The following CD160 variants were observed in gnomAD, a reference collection of about 807,000 sequenced individuals.
The protein encoded by CD160 is CD160 molecule, also known as CD160 antigen.
CD160 carries 11 observed loss-of-function variants against 19.2 expected under a neutral mutation model. That is an observed-to-expected ratio of 0.57 (90% confidence interval 0.36 to 0.95). The LOEUF is 0.95. CD160 is among the 40% of genes least tolerant of loss of function. CD160 has a pLI of 0.01. For synonymous variants in CD160, 75 were observed against 81.1 expected (o/e 0.93, Z 0.40); for missense variants, 182 against 213.2 (o/e 0.85, Z 0.91).
At chr1:145,721,247 G>C (rs1321454372) in intron 1 of CD160, among the ~76,000 whole-genome samples, 1 of 152,166 alleles carries the variant, frequency 6.6e-6, no homozygotes, top group Non-Finnish European at 1.5e-5. Context: ...CCCCATGCTC[G>C]CTGGATGGCC....
At chr1:145,732,826 G>C (rs1249272395) in intron 4 of CD160, among the ~76,000 whole-genome samples, 2 of 152,192 alleles carry the variant, frequency 1.3e-5, no homozygotes, top group East Asian at 3.8e-4. Flanking sequence ...AATAAAATTT[G>C]TGGTACAATT....
At chr1:145,724,587 G>A (rs1444610000) in intron 1 of CD160, among the ~76,000 whole-genome samples, 1 of 151,926 alleles carries the variant, frequency 6.6e-6, no homozygotes, top group Non-Finnish European at 1.5e-5. Context: ...GATTTTAGTG[G>A]GAATTAATGT....
chr1:145,735,102 G>A (rs886331589), intron 4 of CD160, among the ~76,000 whole-genome samples: 14 of 152,034 alleles, frequency 9.2e-5, no homozygotes, highest in African/African-American at 3.4e-4. Context: ...GCCAGACTCT[G>A]TCTCAAAAAA....
chr1:145,724,050 G>GTA (rs1656960194), intron 1 of CD160, among the ~76,000 whole-genome samples: 1 of 152,112 alleles, frequency 6.6e-6, no homozygotes. Flanking sequence ...CCGTAACAAT[G>GTA]TATAGTTCTA....
At chr1:145,738,226 T>C in intron 5 of CD160, 1 of 302,198 alleles carries the variant, frequency 3.3e-6, no homozygotes. Context: ...TATTGCTTCT[T>C]TGATTGTTCC....
At chr1:145,729,855 CA>C (rs1457595321) in intron 3 of CD160, among the ~76,000 whole-genome samples, 1 of 152,190 alleles carries the variant, frequency 6.6e-6, no homozygotes, top group Non-Finnish European at 1.5e-5. Flanking sequence ...TGGTCTCTCT[CA>C]TCCTATATTT....
chr1:145,731,025 T>C lies in CD160; in HGVS notation c.355T>C (p.Ser119Pro). The change falls in exon 4 of 6, where the codon TCA becomes CCA. Residue 119 changes from serine to proline, a missense_variant. Coordinates refer to ENST00000369288, the MANE Select transcript of CD160 (RefSeq NM_007053.4). Reference sequence around the variant, plus strand: ...CCAGTGTTGTGCCAGAAGCCAGAAGTCAGGTATCCGCCTTCAGGGCCATTT... The same window carrying C: ...CCAGTGTTGTGCCAGAAGCCAGAAGCCAGGTATCCGCCTTCAGGGCCATTT... ...TYQCCARSQK[S>P]GIRLQGHFFS... The C allele has an allele frequency of 6.2e-7, 1 of 1,614,140 alleles. No individual in the cohort carries two copies. Among genetic ancestry groups the C allele is most frequent in the Middle Eastern group, 1.7e-4 (1 of 6,060 alleles).
chr1:145,738,197 C>T, intron 5 of CD160: 1 of 249,924 alleles, frequency 4.0e-6, no homozygotes, highest in East Asian at 6.9e-5. Flanking sequence ...AACCTACCTT[C>T]AACTTTTTGA....
rs1657136913 is a variant in CD160 at position 145,728,351 on chromosome 1, C to T, written c.24C>T (p.Gly8=). 7 of 1,613,218 alleles carry T rather than the reference C, an allele frequency of 4.3e-6. No individual in the cohort carries two copies. In the East Asian group the frequency reaches 1.6e-4, roughly 36 times the overall value. ...GGATGCTGTTGGAACCCGGCAGAGG[C>T]TGCTGTGCCCTGGCCATCCTGCTGG... is the stretch of plus-strand genomic sequence containing the variant. MLLEPGR[G]CCALAILLAI... Residue 8 remains glycine (G), a synonymous_variant, in exon 3 of 6, where the codon GGC becomes GGT. Coordinates refer to ENST00000369288, the MANE Select transcript of CD160 (RefSeq NM_007053.4).
intron 4 of CD160, among the ~76,000 whole-genome samples, chr1:145,734,413 T>C (rs782386947): frequency 4.6e-5 from 7 of 152,232 alleles, no homozygotes; most frequent in Admixed American, 3.9e-4. Context: ...ACTCAAAGTT[T>C]TAATGGCTTC....
chr1:145,730,626 A>G (rs1430228271), intron 3 of CD160, 118 bp from the exon 4 acceptor site: 5 of 742,642 alleles, frequency 6.7e-6, no homozygotes, highest in Non-Finnish European at 1.1e-5. Context: ...GTCTGCCAGC[A>G]CTACTGCCAG....
At position 145,724,885 on chromosome 1, in the gene CD160, T is replaced by G. The variant is rs1331166189; in HGVS notation, c.-94T>G. The G allele has an allele frequency of 6.6e-6, 1 of 151,960 alleles. No individual in the cohort carries two copies. Among genetic ancestry groups the G allele is most frequent in the East Asian group, 2.0e-4 (1 of 5,098 alleles). The allele number at this position is 151,960 out of a possible 1,614,324, so 9.4% of individuals were successfully genotyped here. On this transcript the variant is annotated 5_prime_UTR_variant, in exon 2 of 6. Transcript: ENST00000369288. ...CTCCCGGGCTCCTCCCACCTAAGTCTCTTGAGTAGCTGGGACTTCAGGTAC... is the reference window on the plus strand; with the variant it reads ...CTCCCGGGCTCCTCCCACCTAAGTCGCTTGAGTAGCTGGGACTTCAGGTAC...
Position 145,724,925 on chromosome 1 carries a change from G to A in CD160, c.-73+19G>A, listed in dbSNP as rs1455942717. On this transcript the variant is annotated intron_variant, in intron 2 of 5. Coordinates refer to ENST00000369288, the MANE Select transcript of CD160 (RefSeq NM_007053.4). ...ACTTCAGGTACGCACCACCACACGT[G>A]GCTAATTTTTGTATTTTTTGTAAAG... is the stretch of plus-strand genomic sequence containing the variant. 10 of 151,768 alleles carry A rather than the reference G, an allele frequency of 6.6e-5. No homozygotes were observed. The highest frequency in any genetic ancestry group is 1.3e-4 in the Admixed American group (2 of 15,248). The allele number at this position is 151,768 out of a possible 1,614,324, so 9.4% of individuals were successfully genotyped here. A position where few individuals can be genotyped will look rare whatever the true frequency, so the allele number is the denominator to read the frequency against.
chr1:145,732,210 CA>C (rs1553709496), intron 4 of CD160, among the ~76,000 whole-genome samples: 1 of 152,048 alleles, frequency 6.6e-6, no homozygotes, highest in Non-Finnish European at 1.5e-5. Flanking sequence ...TATATTCAGC[CA>C]AACTATAAAC....
chr1:145,732,204 T>A (rs1657324038), intron 4 of CD160, among the ~76,000 whole-genome samples: 1 of 152,166 alleles, frequency 6.6e-6, no homozygotes, highest in Non-Finnish European at 1.5e-5. Flanking sequence ...GAATTATATA[T>A]TCAGCCAAAC....
intron 4 of CD160, among the ~76,000 whole-genome samples, chr1:145,733,283 G>A (rs1289327156): frequency 1.3e-5 from 2 of 152,036 alleles, no homozygotes; most frequent in Non-Finnish European, 2.9e-5. Flanking sequence ...ACAGGCACAC[G>A]CCACCACCCA....
chr1:145,727,044 A>G (rs1468310293), intron 2 of CD160, among the ~76,000 whole-genome samples: 1 of 152,178 alleles, frequency 6.6e-6, no homozygotes, highest in East Asian at 1.9e-4. Context: ...TAAAAATCAG[A>G]AAAATAAATT....
At chr1:145,737,360 C>G (rs1171358856) in intron 5 of CD160, 1 of 152,066 alleles carries the variant, frequency 6.6e-6, no homozygotes, top group African/African-American at 2.4e-5. Context: ...ATATGCAAAG[C>G]ACCTCTTACA....
At chr1:145,729,291 G>A (rs1239799052) in intron 3 of CD160, among the ~76,000 whole-genome samples, 1 of 152,156 alleles carries the variant, frequency 6.6e-6, no homozygotes, top group Non-Finnish European at 1.5e-5. Flanking sequence ...CCGTTTTCAT[G>A]AGAGTGAATT....
Sources: allele counts gnomAD v4.1 joint callset (sites outside exome capture counted in the v4.1 genomes callset), GRCh38; gene constraint gnomAD v4.1.1; transcripts MANE v1.5; gene names NCBI Gene and HGNC (gene_info 2026-07-23, HGNC 2026-07-21).